ZZEF1: variants seen among roughly 807,000 people sequenced by gnomAD.
ZZEF1 encodes zinc finger ZZ-type and EF-hand domain containing 1.
ZZEF1 carries 157 observed loss-of-function variants against 342.8 expected under a neutral mutation model. That is an observed-to-expected ratio of 0.46 (90% CI 0.40 to 0.52). The LOEUF is 0.52. Ranked by LOEUF, ZZEF1 falls within the 20% of genes least tolerant of loss-of-function variation. The pLI, the probability that ZZEF1 is intolerant of heterozygous loss-of-function variation, is 0.00. For missense variants in ZZEF1, 3,480 were observed against 3,725.6 expected, an observed-to-expected ratio of 0.93 and a Z score of 1.72; for synonymous variants, 1,505 against 1,429.1, an observed-to-expected ratio of 1.05 and a Z score of -1.20.
At chr17:4,104,231 G>C (rs367942542) in intron 8 of ZZEF1, among the ~76,000 whole-genome samples, 3 of 152,302 alleles carry the variant, frequency 2.0e-5, no homozygotes, top group East Asian at 3.9e-4. Flanking sequence ...AGATCCCTTT[G>C]CACCGTATCT....
rs969193486 is a variant in ZZEF1 at position 4,091,286 on chromosome 17, C to G, written c.1914-456G>C. Among the ~76,000 whole-genome samples the G allele has an allele frequency of 1.3e-5, 2 of 152,192 alleles. 1 individual carries two copies. On this transcript the variant is annotated intron_variant, in intron 11 of 54. Coordinates refer to ENST00000381638, the MANE Select transcript of ZZEF1 (RefSeq NM_015113.4). ...TAGCTGATGGGTAAACATCTGAGGGCTTTCAGATCCTGGAGGTCCAAAAAA... is the reference window on the plus strand; with the variant it reads ...TAGCTGATGGGTAAACATCTGAGGGGTTTCAGATCCTGGAGGTCCAAAAAA...
intron 54 of ZZEF1, among the ~76,000 whole-genome samples, chr17:4,007,333 G>C (rs907301419): frequency 6.6e-6 from 1 of 152,260 alleles, no homozygotes; most frequent in South Asian, 2.1e-4. Context: ...AGAGGGAGTA[G>C]AGAAAACAGG....
At chr17:4,097,125 G>A (rs4790557) in intron 9 of ZZEF1, among the ~76,000 whole-genome samples, 77,036 of 151,484 alleles carry the variant, frequency 0.51, 22,004 homozygotes, top group East Asian at 0.74. Flanking sequence ...TCCAGGTGTG[G>A]TGGCGGGCGC....
At chr17:4,019,614 G>A (rs1373909765) in intron 46 of ZZEF1, 55 bp downstream of exon 46, 23 of 1,504,674 alleles carry the variant, frequency 1.5e-5, no homozygotes, top group South Asian at 3.4e-5. Context: ...ACACCCTCCC[G>A]CCCTCACATA....
intron 5 of ZZEF1, among the ~76,000 whole-genome samples, chr17:4,112,244 C>T (rs1328158807): frequency 4.0e-5 from 6 of 150,924 alleles, no homozygotes; most frequent in Non-Finnish European, 8.9e-5. Flanking sequence ...TTCCTGGGTT[C>T]AAGTGATTCT....
chr17:4,072,899 G>T, intron 24 of ZZEF1, 143 bp from the exon 25 acceptor site: 1 of 809,676 alleles, frequency 1.2e-6, no homozygotes, highest in Non-Finnish European at 1.9e-6. Flanking sequence ...GAATGTAATT[G>T]TGATACTTTG....
At chr17:4,120,147 G>C (rs1403853503) in intron 2 of ZZEF1, among the ~76,000 whole-genome samples, 1 of 152,026 alleles carries the variant, frequency 6.6e-6, no homozygotes, top group African/African-American at 2.4e-5. Flanking sequence ...CACGAGGTCA[G>C]GAGTTCCAAG....
Position 4,123,906 on chromosome 17 carries a change from C to A in ZZEF1, c.499+1G>T. On this transcript the variant is annotated splice_donor_variant, in intron 2 of 54. Transcript: ENST00000381638. LOFTEE classifies it high-confidence loss of function. Reference sequence around the variant, plus strand: ...AGACAGCACCTAGATGGAAGCCTCACCTGGAACCAGAGAGCAGGCCTGTAG... The same window carrying A: ...AGACAGCACCTAGATGGAAGCCTCAACTGGAACCAGAGAGCAGGCCTGTAG... 1 of 1,612,838 alleles carries A rather than the reference C, an allele frequency of 6.2e-7. No homozygotes were observed. Among genetic ancestry groups the A allele is most frequent in the Non-Finnish European group, 8.5e-7 (1 of 1,179,536 alleles).
intron 1 of ZZEF1, among the ~76,000 whole-genome samples, chr17:4,142,114 T>C (rs1438121836): frequency 6.6e-6 from 1 of 152,242 alleles, no homozygotes; most frequent in Non-Finnish European, 1.5e-5. Context: ...TACTACTGTC[T>C]TTCCACACTT....
At chr17:4,041,035 C>T (rs577367266) in intron 39 of ZZEF1, among the ~76,000 whole-genome samples, 6 of 152,208 alleles carry the variant, frequency 3.9e-5, no homozygotes, top group African/African-American at 7.2e-5. Context: ...ACAAAGGCTC[C>T]GGCTGATGTG....
At chr17:4,089,181 T>C (rs978287335) in intron 12 of ZZEF1, among the ~76,000 whole-genome samples, 2 of 152,190 alleles carry the variant, frequency 1.3e-5, no homozygotes, top group African/African-American at 4.8e-5. Flanking sequence ...TGAAGAAAAG[T>C]ACATTTGCTC....
chr17:4,052,273 T>G, intron 34 of ZZEF1, 137 bp from the exon 35 acceptor site: 5 of 803,684 alleles, frequency 6.2e-6, no homozygotes, highest in African/African-American at 1.8e-5. Flanking sequence ...AGGCGTTCTC[T>G]GGAGACAGGG....
At chr17:4,090,901 A>G in intron 11 of ZZEF1, 71 bp from the exon 12 acceptor site, 1 of 1,164,172 alleles carries the variant, frequency 8.6e-7, no homozygotes, top group South Asian at 1.3e-5. Flanking sequence ...ATAAGGTATC[A>G]TCTAAGTGAC....
chr17:4,129,999 T>G (rs1369056963), intron 1 of ZZEF1, among the ~76,000 whole-genome samples: 16 of 152,006 alleles, frequency 1.1e-4, no homozygotes, highest in Admixed American at 5.9e-4. Flanking sequence ...CAACGGACCC[T>G]GGGGCCTACC....
At chr17:4,142,431 A>C (rs1597962678) in intron 1 of ZZEF1, 111 bp downstream of exon 1, 1 of 1,134,414 alleles carries the variant, frequency 8.8e-7, no homozygotes, top group Admixed American at 2.9e-5. Context: ...AGCTGGAAAC[A>C]CCTCATATGG....
chr17:4,121,041 G>T (rs2058474542), intron 2 of ZZEF1, among the ~76,000 whole-genome samples: 1 of 152,206 alleles, frequency 6.6e-6, no homozygotes, highest in Non-Finnish European at 1.5e-5. Context: ...CAAGACTGAT[G>T]AATTGGGTGC....
intron 2 of ZZEF1, among the ~76,000 whole-genome samples, chr17:4,121,913 T>G (rs2058489477): frequency 6.6e-6 from 1 of 151,974 alleles, no homozygotes; most frequent in South Asian, 2.1e-4. Context: ...AGATGGGGTC[T>G]CACTATGCTG....
intron 16 of ZZEF1, 88 bp from the exon 17 acceptor site, chr17:4,082,592 A>G: frequency 8.1e-7 from 1 of 1,238,834 alleles, no homozygotes; most frequent in Non-Finnish European, 1.2e-6. Flanking sequence ...TCACCACCCC[A>G]CTGTTCTCAA....
At chr17:4,135,070 TA>T (rs2058727246) in intron 1 of ZZEF1, among the ~76,000 whole-genome samples, 1 of 151,996 alleles carries the variant, frequency 6.6e-6, no homozygotes, top group South Asian at 2.1e-4. Flanking sequence ...AGAGCTCAGA[TA>T]TTACAGTAAG....
Sources: gnomAD v4.1 joint callset for allele counts (sites outside exome capture counted in the v4.1 genomes callset) on GRCh38, gnomAD v4.1.1 for gene constraint, MANE v1.5 for transcripts, NCBI Gene and HGNC (gene_info 2026-07-23, HGNC 2026-07-21) for gene names.